The following WASHC2C variants were observed in gnomAD, a reference collection of about 807,000 sequenced individuals.
The protein encoded by WASHC2C is WASH complex subunit 2C, also known as Vaccinia Penetration Factor.
WASHC2C carries 73 observed loss-of-function variants against 142.2 expected under a neutral mutation model. The observed-to-expected ratio is 0.51, with a 90% confidence interval of 0.43 to 0.62. WASHC2C has a LOEUF of 0.62. Among genes scored for constraint, WASHC2C ranks in the 20% least tolerant of loss-of-function variants. The pLI, the probability that WASHC2C is intolerant of heterozygous loss-of-function variation, is 0.00. For missense variants in WASHC2C, 969 were observed against 1,531.7 expected (o/e 0.63, Z 6.13); for synonymous variants, 337 against 565.5 (o/e 0.60, Z 5.73).
chr10:45,749,855 A>ATT (rs1169255774), intron 8 of WASHC2C, among the ~76,000 whole-genome samples: 3 of 132,064 alleles, frequency 2.3e-5, no homozygotes, highest in Non-Finnish European at 3.1e-5. Context: ...ATATATATAT[A>ATT]TTTATATATA....
intron 8 of WASHC2C, among the ~76,000 whole-genome samples, chr10:45,747,865 A>G (rs1474624334): frequency 5.3e-5 from 8 of 150,250 alleles, no homozygotes; most frequent in Admixed American, 2.0e-4. Context: ...GATTACAGGT[A>G]TGAGCCACCA....
chr10:45,748,892 A>G (rs1359674453), intron 8 of WASHC2C, among the ~76,000 whole-genome samples: 1 of 152,112 alleles, frequency 6.6e-6, no homozygotes, highest in Non-Finnish European at 1.5e-5. Flanking sequence ...ATGCTCTGGG[A>G]GCATGTCATT....
Position 45,765,929 on chromosome 10 carries a change from T to C in WASHC2C, c.1869+119T>C, listed in dbSNP as rs1193475473. The stretch of plus-strand genomic sequence containing the variant: ...CGTGATGTTCAGTCACCAAAGGCGA[T>C]GTTCACAAGATTGTCTTTTCTGAAG... On this transcript the variant is annotated intron_variant, in intron 19 of 30. Coordinates refer to ENST00000623400, the MANE Select transcript of WASHC2C (RefSeq NM_001330074.2). 2.1e-6 allele frequency: 3 copies of C among 1,432,196 alleles called. No individual in the cohort carries two copies. The African/African-American group carries it at 4.3e-5, about 21-fold the overall frequency. 88.7% of individuals were successfully genotyped at this position (1,432,196 alleles called of 1,614,324 possible). A position where few individuals can be genotyped will look rare whatever the true frequency, so the allele number is the denominator to read the frequency against.
chr10:45,792,275 A>G lies in WASHC2C; in HGVS notation c.3901A>G (p.Thr1301Ala), dbSNP rs1336646252. 6.4e-7 allele frequency: 1 copy of G among 1,556,982 alleles called. No individual in the cohort carries two copies. Among genetic ancestry groups the G allele is most frequent in the Non-Finnish European group, 8.8e-7 (1 of 1,141,920 alleles). Residue 1301 changes from threonine (T) to alanine (A), a missense_variant, in exon 31 of 31, where the codon ACT becomes GCT. Transcript: ENST00000623400. The stretch of plus-strand genomic sequence containing the variant: ...TCTTTCTAAAGATGACATCTTCTCC[A>G]CTGGTATCCAGGCTAAGACAACCAA... ...FDDDMDDIFS[T>A]GIQAKTTKPK...
intron 30 of WASHC2C, among the ~76,000 whole-genome samples, chr10:45,791,801 C>T (rs2058409748): frequency 6.9e-6 from 1 of 145,978 alleles, no homozygotes; most frequent in Admixed American, 7.1e-5. Context: ...AATGCAGTGA[C>T]GGAGGCTTAC....
At chr10:45,744,982 C>A in intron 7 of WASHC2C, 100 bp downstream of exon 7, 1 of 335,908 alleles carries the variant, frequency 3.0e-6, no homozygotes, top group East Asian at 4.4e-5. Flanking sequence ...AATTCGTAAT[C>A]TGCTTCCATA....
chr10:45,789,482 T>G lies in WASHC2C; in HGVS notation c.3699T>G (p.Asp1233Glu), dbSNP rs2058266805. Residue 1233 changes from aspartate (D) to glutamate (E), a missense_variant, in exon 29 of 31, where the codon GAT becomes GAG. By Grantham distance (45) the Asp-to-Glu change is conservative (BLOSUM62 2). Coordinates refer to ENST00000623400, the MANE Select transcript of WASHC2C (RefSeq NM_001330074.2). ...AGGATGTCATATTAACAACACAAGA[T>G]ATTTTTGAGGTAATAGGACTTAACA... ...SQQDVILTTQ[D>E]IFEDDIFATE... 8.7e-6 allele frequency: 14 copies of G among 1,612,020 alleles called. No individual in the cohort carries two copies. The highest frequency in any genetic ancestry group is 1.2e-5 in the Non-Finnish European group (14 of 1,179,864).
chr10:45,749,249 A>G (rs2053230593), intron 8 of WASHC2C, among the ~76,000 whole-genome samples: 1 of 152,028 alleles, frequency 6.6e-6, no homozygotes, highest in African/African-American at 2.4e-5. Flanking sequence ...AGCCTGCCCA[A>G]CATGGTGAAA....
At chr10:45,780,015 A>G (rs1375853366) in intron 23 of WASHC2C, among the ~76,000 whole-genome samples, 2 of 151,572 alleles carry the variant, frequency 1.3e-5, no homozygotes, top group Admixed American at 6.6e-5. Flanking sequence ...GATGATGGTC[A>G]TTCTGTGAGG....
At chr10:45,784,293 C>CAAATATAT (rs1305333868) in intron 23 of WASHC2C, among the ~76,000 whole-genome samples, 2 of 63,646 alleles carry the variant, frequency 3.1e-5, no homozygotes, top group African/African-American at 5.1e-5. Flanking sequence ...TATATATACA[C>CAAATATAT]ATATATATAT....
Position 45,742,357 on chromosome 10 carries a change from C to T in WASHC2C, c.529-1033C>T, listed in dbSNP as rs1365922195. 2.0e-5 allele frequency among the ~76,000 whole-genome samples: 3 copies of T among 152,270 alleles called. No homozygotes were observed. The South Asian group carries it at 6.2e-4, about 32-fold the overall frequency. ...GAGTCGGAGTTTCGCTCTTGTTGCC[C>T]AGGCTGGAGTGGAGTGATGTGATGT... On this transcript the variant is annotated intron_variant, in intron 5 of 30. Coordinates refer to ENST00000623400, the MANE Select transcript of WASHC2C (RefSeq NM_001330074.2).
At chr10:45,769,885 T>A (rs1432879837) in intron 20 of WASHC2C, among the ~76,000 whole-genome samples, 2 of 151,652 alleles carry the variant, frequency 1.3e-5, no homozygotes, top group African/African-American at 2.4e-5. Context: ...TTTGAGTATC[T>A]TTTGTTTGTG....
intron 2 of WASHC2C, among the ~76,000 whole-genome samples, chr10:45,727,764 G>C (rs1002763261): frequency 6.6e-6 from 1 of 152,160 alleles, no homozygotes; most frequent in African/African-American, 2.4e-5. Flanking sequence ...CCTTCATGGG[G>C]TTTCTGGCTC....
chr10:45,738,093 G>C (rs1180850457), intron 4 of WASHC2C, 48 bp downstream of exon 4: 34 of 1,611,992 alleles, frequency 2.1e-5, no homozygotes, highest in Non-Finnish European at 2.6e-5. Flanking sequence ...TTTGAAAAGT[G>C]TGGTGGAGAT....
rs2050241854 is a variant in WASHC2C, at chr10:45,729,035, T to G, written c.291+9T>G. 1 of 1,608,828 alleles carries G rather than the reference T, an allele frequency of 6.2e-7. No individual in the cohort carries two copies. The highest frequency in any genetic ancestry group is 1.7e-5 in the Admixed American group (1 of 59,022). Reference sequence around the variant, plus strand: ...CCCAGTTCATAGAGAATGTGAGTTATTTAGTTATATTATAATTCCTTTTTT... The same window carrying G: ...CCCAGTTCATAGAGAATGTGAGTTAGTTAGTTATATTATAATTCCTTTTTT... On this transcript the variant is annotated intron_variant, in intron 3 of 30. Coordinates refer to ENST00000623400, the MANE Select transcript of WASHC2C (RefSeq NM_001330074.2).
chr10:45,731,689 T>A lies in WASHC2C; in HGVS notation c.291+2663T>A, dbSNP rs374865782. ...CTTCCATAAGGCCACATGCTATAGGTTTTTTTCATTTGTGGCAAAGCATGA... is the reference window on the plus strand; with the variant it reads ...CTTCCATAAGGCCACATGCTATAGGATTTTTTCATTTGTGGCAAAGCATGA... On this transcript the variant is annotated intron_variant, in intron 3 of 30. Transcript: ENST00000623400. 4.2e-4 allele frequency among the ~76,000 whole-genome samples: 64 copies of A among 152,298 alleles called. 6 individuals carry two copies. Among genetic ancestry groups the A allele is most frequent in the Admixed American group, 2.8e-3 (43 of 15,292 alleles).
intron 19 of WASHC2C, 40 bp downstream of exon 19, chr10:45,765,850 A>G: frequency 1.2e-6 from 2 of 1,611,484 alleles, no homozygotes; most frequent in Non-Finnish European, 1.7e-6. Context: ...GGATTATTTC[A>G]TGGGATTTAA....
chr10:45,765,688 T>C lies in WASHC2C; in HGVS notation c.1747T>C (p.Phe583Leu). Residue 583 changes from phenylalanine to leucine, a missense_variant, in exon 19 of 31, where the codon TTT becomes CTT. Physicochemically the swap from Phe to Leu is conservative, Grantham distance 22 (BLOSUM62 0). Coordinates refer to ENST00000623400, the MANE Select transcript of WASHC2C (RefSeq NM_001330074.2). ...CCATTTGCTTTTCTAGGATAATCTT[T>C]TTGGGGGTACAGCTGCTAAGAAGCA... Reference protein sequence around the residue: ...FDDEDEEDNLFGGTAAKKQTL... With the variant: ...FDDEDEEDNLLGGTAAKKQTL... The C allele has an allele frequency of 1.9e-6, 3 of 1,611,912 alleles. No individual in the cohort carries two copies. Among genetic ancestry groups the C allele is most frequent in the Non-Finnish European group, 2.5e-6 (3 of 1,179,846 alleles).
At chr10:45,771,032 TGCCTG>T (rs1228020986) in intron 20 of WASHC2C, among the ~76,000 whole-genome samples, 1 of 151,506 alleles carries the variant, frequency 6.6e-6, no homozygotes, top group African/African-American at 2.4e-5. Context: ...CTTCCTGTGT[TGCCTG>T]GCCACCTTCT....
Sources: gnomAD v4.1 joint callset for allele counts (sites outside exome capture counted in the v4.1 genomes callset) on GRCh38, gnomAD v4.1.1 for gene constraint, MANE v1.5 for transcripts, NCBI Gene and HGNC (gene_info 2026-07-23, HGNC 2026-07-21) for gene names.